Variants in RHBDL2 observed in about 807,000 individuals in gnomAD.
RHBDL2 encodes the protein rhomboid like 2.
RHBDL2 carries 26 observed loss-of-function variants against 31.7 expected under a neutral mutation model. That is an observed-to-expected ratio of 0.82 (90% CI 0.60 to 1.14). RHBDL2 has a LOEUF of 1.14. RHBDL2 is among the 50% of genes most tolerant of loss of function. The pLI, the probability that RHBDL2 is intolerant of heterozygous loss-of-function variation, is 0.00. For missense variants in RHBDL2, 336 were observed against 364.4 expected, an observed-to-expected ratio of 0.92 and a Z score of 0.63; for synonymous variants, 123 against 127.2, an observed-to-expected ratio of 0.97 and a Z score of 0.22.
chr1:38,902,094 T>C (rs1270005251), intron 4 of RHBDL2, among the ~76,000 whole-genome samples: 2 of 151,202 alleles, frequency 1.3e-5, no homozygotes, highest in Admixed American at 6.6e-5. Flanking sequence ...CTTACCAACA[T>C]AGGCCATATT....
chr1:38,918,899 C>G (rs1285461901), intron 2 of RHBDL2, 68 bp downstream of exon 2: 38 of 1,559,234 alleles, frequency 2.4e-5, no homozygotes, highest in Admixed American at 1.1e-4. Flanking sequence ...AGATCTAGAT[C>G]TGACCCCTAG....
chr1:38,910,753 CTTTTT>C (rs765064879), intron 4 of RHBDL2, among the ~76,000 whole-genome samples: 11 of 111,054 alleles, frequency 9.9e-5, no homozygotes, highest in African/African-American at 3.7e-4. Context: ...TATTCCTTTT[CTTTTT>C]TTTTTTTTTT....
At chr1:38,900,958 G>A (rs773068247) in intron 4 of RHBDL2, among the ~76,000 whole-genome samples, 3 of 151,814 alleles carry the variant, frequency 2.0e-5, no homozygotes, top group Non-Finnish European at 1.5e-5. Flanking sequence ...TCAGGCAGGA[G>A]CACCGCTTGA....
intron 1 of RHBDL2, among the ~76,000 whole-genome samples, chr1:38,932,591 C>T (rs1416608163): frequency 1.3e-5 from 2 of 152,184 alleles, no homozygotes; most frequent in Non-Finnish European, 2.9e-5. Flanking sequence ...TCCCAAGTAG[C>T]TGGGACTACA....
At chr1:38,904,947 C>T (rs1288255351) in intron 4 of RHBDL2, among the ~76,000 whole-genome samples, 1 of 149,840 alleles carries the variant, frequency 6.7e-6, no homozygotes, top group African/African-American at 2.4e-5. Flanking sequence ...AGGAGAATGG[C>T]GTGAACCCAG....
chr1:38,905,485 C>T (rs1027407681), intron 4 of RHBDL2, among the ~76,000 whole-genome samples: 5 of 151,020 alleles, frequency 3.3e-5, no homozygotes, highest in Non-Finnish European at 5.9e-5. Flanking sequence ...CATGGTGGCT[C>T]ATGCCTGTAA....
chr1:38,895,437 C>T (rs1165881921), intron 5 of RHBDL2, among the ~76,000 whole-genome samples: 1 of 152,052 alleles, frequency 6.6e-6, no homozygotes, highest in African/African-American at 2.4e-5. Flanking sequence ...TATTGAGGAC[C>T]TTAACTTTCT....
chr1:38,929,281 C>G (rs1643413645), intron 1 of RHBDL2: 2 of 628,824 alleles, frequency 3.2e-6, no homozygotes. Flanking sequence ...GAAGATGGGG[C>G]TGGGAATTCC....
chr1:38,936,951 CT>C lies in RHBDL2; in HGVS notation c.-126+4730del, dbSNP rs1262544807. Among the ~76,000 whole-genome samples the C allele has an allele frequency of 2.4e-3, 311 of 132,240 alleles. 1 individual carries two copies. The highest frequency in any genetic ancestry group is 5.2e-3 in the Middle Eastern group (1 of 194). 86.8% of individuals were successfully genotyped at this position (132,240 alleles called of 152,430 possible). ...GCCTGGCCGAGTATTCTCGAGTGTT[CT>C]TTTTTTTTTTTTTGAGACAGAGTCT... On this transcript the variant is annotated intron_variant, in intron 1 of 7. Coordinates refer to ENST00000372990, the MANE Select transcript of RHBDL2 (RefSeq NM_017821.5).
chr1:38,914,978 G>A (rs548870826), intron 3 of RHBDL2, among the ~76,000 whole-genome samples: 129 of 147,636 alleles, frequency 8.7e-4, no homozygotes, highest in African/African-American at 3.1e-3. Flanking sequence ...GCAGTGAGCC[G>A]AGATCACACC....
chr1:38,928,087 G>A (rs1004900023), intron 1 of RHBDL2, among the ~76,000 whole-genome samples: 2 of 151,016 alleles, frequency 1.3e-5, no homozygotes, highest in Non-Finnish European at 2.9e-5. Context: ...GCAAGATCCT[G>A]TCTCTGAAAT....
intron 1 of RHBDL2, among the ~76,000 whole-genome samples, chr1:38,927,382 G>A (rs1167274159): frequency 2.0e-5 from 3 of 152,064 alleles, no homozygotes; most frequent in East Asian, 3.9e-4. Context: ...AGCCGAGATC[G>A]CGCCACTGCA....
intron 1 of RHBDL2, among the ~76,000 whole-genome samples, chr1:38,924,217 T>C (rs1643347119): frequency 6.6e-6 from 1 of 151,934 alleles, no homozygotes; most frequent in East Asian, 1.9e-4. Context: ...AGCATTGAGA[T>C]TACAGGTGTG....
At chr1:38,920,576 G>A (rs577476037) in intron 1 of RHBDL2, among the ~76,000 whole-genome samples, 3 of 148,878 alleles carry the variant, frequency 2.0e-5, no homozygotes, top group South Asian at 4.3e-4. Context: ...CCACCTTTTC[G>A]CTATTGTGAA....
At chr1:38,911,633 T>C (rs867853894) in intron 3 of RHBDL2, among the ~76,000 whole-genome samples, 199 bp from the exon 4 acceptor site, 48 of 102,194 alleles carry the variant, frequency 4.7e-4, no homozygotes, top group African/African-American at 1.5e-3. Context: ...TGTGTGTGTG[T>C]GTGTGTGTGT....
intron 4 of RHBDL2, among the ~76,000 whole-genome samples, chr1:38,905,645 T>C (rs945081118): frequency 2.6e-5 from 4 of 151,272 alleles, no homozygotes; most frequent in Admixed American, 6.6e-5. Flanking sequence ...CCCAACTACT[T>C]TGAGGCTGAG....
intron 4 of RHBDL2, among the ~76,000 whole-genome samples, chr1:38,908,143 G>C (rs1643090746): frequency 1.7e-5 from 2 of 117,832 alleles, no homozygotes; most frequent in Non-Finnish European, 3.5e-5. Flanking sequence ...ATGCATCTCA[G>C]AATGTTCCTC....
At chr1:38,911,063 G>A (rs1194675471) in intron 4 of RHBDL2, among the ~76,000 whole-genome samples, 5 of 151,950 alleles carry the variant, frequency 3.3e-5, no homozygotes, top group Non-Finnish European at 7.4e-5. Context: ...ACAGGCAGGA[G>A]CGCCAGGCAT....
intron 1 of RHBDL2, chr1:38,926,032 G>T (rs1557622071): frequency 8.0e-7 from 1 of 1,256,294 alleles, no homozygotes; most frequent in East Asian, 5.9e-5. Flanking sequence ...GTCGTCATTT[G>T]TCAGTTTTCT....
Sources: gnomAD v4.1 joint callset for allele counts (sites outside exome capture counted in the v4.1 genomes callset) on GRCh38, gnomAD v4.1.1 for gene constraint, MANE v1.5 for transcripts, NCBI Gene and HGNC (gene_info 2026-07-23, HGNC 2026-07-21) for gene names.